Variants in DROSHA observed in about 807,000 individuals in gnomAD.
DROSHA encodes the protein ribonuclease 3.
Under a neutral mutation model 181.9 loss-of-function variants are expected in DROSHA, and 56 were observed. The ratio of observed to expected loss-of-function variants is 0.31; its 90% CI spans 0.25 to 0.38. The LOEUF is 0.38. Among genes scored for constraint, DROSHA ranks in the 10% least tolerant of loss-of-function variants. DROSHA has a pLI of 1.00. For missense variants in DROSHA, 1,218 were observed against 1,743.5 expected, an observed-to-expected ratio of 0.70 and a Z score of 5.37; for synonymous variants, 524 against 591.2, an observed-to-expected ratio of 0.89 and a Z score of 1.65.
chr5:31,515,187 C>T lies in DROSHA; in HGVS notation c.1091G>A (p.Arg364His), dbSNP rs752959469. The change falls in exon 8 of 36, where the codon CGT becomes CAT. Residue 364 changes from arginine (R) to histidine (H), a missense_variant. Coordinates refer to ENST00000344624, the MANE Select transcript of DROSHA (RefSeq NM_001382508.1). Reference protein sequence around the residue: ...RSPSREKKRARWEEEKDRWSD... With the variant: ...RSPSREKKRAHWEEEKDRWSD... ...CCAACGGTCTTTTTCTTCCTCCCAA[C>T]GAGCTCTCTTCTTCTCCCTACTTGG... The T allele has an allele frequency of 1.6e-5, 26 of 1,613,706 alleles. No individual in the cohort carries two copies. The highest frequency in any genetic ancestry group is 7.7e-5 in the South Asian group (7 of 91,058).
chr5:31,475,411 C>T (rs1750251608), intron 16 of DROSHA, among the ~76,000 whole-genome samples: 1 of 152,154 alleles, frequency 6.6e-6, no homozygotes, highest in African/African-American at 2.4e-5. Flanking sequence ...TGCTAAGGAG[C>T]CCAGCAAACC....
chr5:31,510,050 T>TG (rs1491224792), intron 9 of DROSHA, among the ~76,000 whole-genome samples: 1 of 19,962 alleles, frequency 5.0e-5, no homozygotes, highest in Non-Finnish European at 1.3e-4. Flanking sequence ...TACCACAATT[T>TG]GAAAAAAAAA....
Position 31,435,881 on chromosome 5 carries a change from A to C in DROSHA, c.2943-17T>G. The C allele has an allele frequency of 6.3e-7, 1 of 1,592,086 alleles. No individual in the cohort carries two copies. The highest frequency in any genetic ancestry group is 8.6e-7 in the Non-Finnish European group (1 of 1,164,198). Reference sequence around the variant, plus strand: ...AAATGGACGCTACAAAAAAAAAAAGAAGTACATGAATAAATATGCATCACG... The same window carrying C: ...AAATGGACGCTACAAAAAAAAAAAGCAGTACATGAATAAATATGCATCACG... On this transcript the variant is annotated splice_polypyrimidine_tract_variant and intron_variant, in intron 24 of 35. Coordinates refer to ENST00000344624, the MANE Select transcript of DROSHA (RefSeq NM_001382508.1).
intron 23 of DROSHA, among the ~76,000 whole-genome samples, chr5:31,437,626 A>C (rs565374957): frequency 3.3e-5 from 5 of 152,256 alleles, no homozygotes; most frequent in South Asian, 2.1e-4. Flanking sequence ...AGAAGACATA[A>C]AGAAGAATGC....
At chr5:31,518,819 G>A (rs1025118293) in intron 6 of DROSHA, among the ~76,000 whole-genome samples, 1 of 152,178 alleles carries the variant, frequency 6.6e-6, no homozygotes, top group African/African-American at 2.4e-5. Context: ...GTTCTAAAAA[G>A]AAATTCCACC....
At position 31,424,482 on chromosome 5, in the gene DROSHA, G is replaced by T; in HGVS notation, c.3217-11C>A. ...GACTTCGCGCAGGTCCTGGAAAATG[G>T]AGTGATGCCTTTAATGCTCAAGGGA... On this transcript the variant is annotated splice_polypyrimidine_tract_variant and intron_variant, in intron 27 of 35. Coordinates refer to ENST00000344624, the MANE Select transcript of DROSHA (RefSeq NM_001382508.1). 6.3e-7 allele frequency: 1 copy of T among 1,588,064 alleles called. No homozygotes were observed. The highest frequency in any genetic ancestry group is 8.6e-7 in the Non-Finnish European group (1 of 1,166,820).
In DROSHA at chr5:31,528,282, G is replaced by A. The variant is rs115300224; in HGVS notation, c.20+758C>T. 2.8e-3 allele frequency among the ~76,000 whole-genome samples: 422 copies of A among 152,100 alleles called. 1 individual carries two copies. Among genetic ancestry groups the A allele is most frequent in the African/African-American group, 9.5e-3 (394 of 41,488 alleles). On this transcript the variant is annotated intron_variant, in intron 4 of 35. Coordinates refer to ENST00000344624, the MANE Select transcript of DROSHA (RefSeq NM_001382508.1). ...AACTTCTGAGCTCCAGACCCACACTGCCAATTACCAACCCCATCTCTCTCC... is the reference window on the plus strand; with the variant it reads ...AACTTCTGAGCTCCAGACCCACACTACCAATTACCAACCCCATCTCTCTCC...
intron 23 of DROSHA, among the ~76,000 whole-genome samples, chr5:31,438,702 C>T (rs985104709): frequency 6.6e-6 from 1 of 151,994 alleles, no homozygotes; most frequent in African/African-American, 2.4e-5. Flanking sequence ...GACACAGTTG[C>T]TAATGAATCT....
In DROSHA at chr5:31,410,726, GAA is replaced by G; in HGVS notation, c.3667+18_3667+19del. ...TAAACTCTGAACCTGGAGGTTGAGA[GAA>G]AAGTGTGTGGCACTCACATTCCAAA... is the stretch of plus-strand genomic sequence containing the variant. On this transcript the variant is annotated intron_variant, in intron 31 of 35. Transcript: ENST00000344624. The G allele has an allele frequency of 1.2e-6, 2 of 1,608,070 alleles. No homozygotes were observed. The highest frequency in any genetic ancestry group is 1.7e-6 in the Non-Finnish European group (2 of 1,177,276).
chr5:31,468,598 T>A (rs1749382928), intron 17 of DROSHA, among the ~76,000 whole-genome samples: 1 of 152,240 alleles, frequency 6.6e-6, no homozygotes, highest in Admixed American at 6.5e-5. Context: ...ATTTGTGTAT[T>A]TTAACAGAGA....
At chr5:31,465,410 C>CTT (rs1037579578) in intron 19 of DROSHA, among the ~76,000 whole-genome samples, 4 of 152,178 alleles carry the variant, frequency 2.6e-5, no homozygotes, top group Non-Finnish European at 5.9e-5. Context: ...GGAAGACAAT[C>CTT]TTTTCCAACT....
chr5:31,485,550 A>G (rs1751624919), intron 14 of DROSHA, among the ~76,000 whole-genome samples: 1 of 151,498 alleles, frequency 6.6e-6, no homozygotes, highest in Non-Finnish European at 1.5e-5. Flanking sequence ...GAGTTCATAA[A>G]TCACCCTGCG....
At chr5:31,467,831 A>AG in intron 18 of DROSHA, 108 bp downstream of exon 18, 1 of 1,401,306 alleles carries the variant, frequency 7.1e-7, no homozygotes, top group South Asian at 1.5e-5. Flanking sequence ...GGCTCATTTC[A>AG]GGTCTTAATT....
intron 23 of DROSHA, among the ~76,000 whole-genome samples, chr5:31,439,297 C>A (rs552173349): frequency 6.6e-6 from 1 of 152,214 alleles, no homozygotes. Flanking sequence ...CTGTCCCACC[C>A]TATTCCACCT....
chr5:31,427,594 G>A (rs748005295), intron 27 of DROSHA, among the ~76,000 whole-genome samples: 38 of 152,100 alleles, frequency 2.5e-4, no homozygotes, highest in Admixed American at 1.1e-3. Flanking sequence ...GCCTTGGGAC[G>A]GCACCCAATC....
intron 20 of DROSHA, among the ~76,000 whole-genome samples, chr5:31,463,046 T>C (rs1748580802): frequency 6.6e-6 from 1 of 152,144 alleles, no homozygotes; most frequent in African/African-American, 2.4e-5. Flanking sequence ...TGACATTACA[T>C]TGGTTTTGGG....
intron 16 of DROSHA, among the ~76,000 whole-genome samples, chr5:31,478,853 C>T (rs1250735652): frequency 6.6e-6 from 1 of 152,244 alleles, no homozygotes; most frequent in East Asian, 1.9e-4. Flanking sequence ...CTAGAGAAAA[C>T]TTGGCCAACA....
chr5:31,406,799 A>G (rs1740711350), intron 34 of DROSHA, 54 bp downstream of exon 34: 1 of 1,523,504 alleles, frequency 6.6e-7, no homozygotes, highest in African/African-American at 1.4e-5. Flanking sequence ...CAGCTAGGGA[A>G]TTAGACACAC....
At chr5:31,508,832 T>TTC in intron 9 of DROSHA, 57 bp from the exon 10 acceptor site, 4 of 1,547,052 alleles carry the variant, frequency 2.6e-6, no homozygotes, top group Non-Finnish European at 3.5e-6. Flanking sequence ...ACTGGTTTTT[T>TTC]TTTTTCCCTG....
Sources: allele counts gnomAD v4.1 joint callset (sites outside exome capture counted in the v4.1 genomes callset), GRCh38; gene constraint gnomAD v4.1.1; transcripts MANE v1.5; gene names NCBI Gene and HGNC (gene_info 2026-07-23, HGNC 2026-07-21).